HERC2: variants seen among roughly 807,000 people sequenced by gnomAD.
HERC2 encodes the protein HECT and RLD domain containing E3 ubiquitin protein ligase 2, also known as E3 ubiquitin-protein ligase HERC2.
In HERC2, 102 loss-of-function variants were observed where a neutral mutation model predicts 537.7. The ratio of observed to expected loss-of-function variants is 0.19; its 90% CI spans 0.16 to 0.22. HERC2 has a LOEUF of 0.22. Among genes scored for constraint, HERC2 ranks in the 10% least tolerant of loss-of-function variants. The probability of loss-of-function intolerance (pLI) is 1.00; values close to 1 mark genes in which losing one functional copy is unlikely to be tolerated. For synonymous variants in HERC2, 2,224 were observed against 2,466.2 expected (o/e 0.90, Z 2.91); for missense variants, 4,236 against 6,198.2 (o/e 0.68, Z 10.63).
Position 28,176,373 on chromosome 15 carries a change from CCCTGCACACA to C in HERC2, c.9686+45_9686+54del. The C allele has an allele frequency of 3.8e-6, 6 of 1,573,628 alleles. No individual in the cohort carries two copies. The highest frequency in any genetic ancestry group is 5.2e-6 in the Non-Finnish European group (6 of 1,147,212). ...GTGAGCCTGGGGCGAGGCCCAGGTT[CCCTGCACACA>C]CCTGCACAAGCACACACAGTGTGAC... On this transcript the variant is annotated intron_variant, in intron 63 of 92. Coordinates refer to ENST00000261609, the MANE Select transcript of HERC2 (RefSeq NM_004667.6). The surrounding 1 kb of genome is among the most constrained non-coding windows in gnomAD (Gnocchi z 5.0).
At chr15:28,210,914 G>C (rs1899137415) in intron 44 of HERC2, 88 bp downstream of exon 44, 1 of 1,064,148 alleles carries the variant, frequency 9.4e-7, no homozygotes, top group Non-Finnish European at 1.5e-6. Flanking sequence ...AGCCACCTAT[G>C]TCCATTTTTA....
intron 72 of HERC2, 138 bp downstream of exon 72, chr15:28,144,535 G>C (rs1891543625): frequency 8.5e-7 from 1 of 1,177,402 alleles, no homozygotes; most frequent in African/African-American, 1.5e-5. Context: ...CCTCAGCAGG[G>C]CCTGTGAGAG....
rs866951722 is a variant in HERC2 at position 28,283,051 on chromosome 15, A to C, written c.323-2764T>G. On this transcript the variant is annotated intron_variant, in intron 4 of 92. Transcript: ENST00000261609. ...TCCCAGCAAAAAAAAAAAAAAAAAA[A>C]AAAAAAAACCAGTCTTGGGGACCTA... Among the ~76,000 whole-genome samples the C allele has an allele frequency of 3.3e-3, 494 of 150,548 alleles. 5 individuals carry two copies. The highest frequency in any genetic ancestry group is 0.011 in the African/African-American group (469 of 41,042).
chr15:28,304,477 C>T (rs1413997849), intron 2 of HERC2, among the ~76,000 whole-genome samples: 2 of 151,798 alleles, frequency 1.3e-5, no homozygotes, highest in African/African-American at 4.8e-5. Context: ...AAGTGATTTC[C>T]CTGCCTCAGC....
intron 24 of HERC2, among the ~76,000 whole-genome samples, 177 bp downstream of exon 24, chr15:28,238,425 C>T (rs868842243): frequency 2.0e-5 from 3 of 152,136 alleles, no homozygotes; most frequent in Non-Finnish European, 4.4e-5. Flanking sequence ...AATGCATAAT[C>T]AAAGGAAATT....
intron 47 of HERC2, among the ~76,000 whole-genome samples, chr15:28,201,812 ATG>A (rs2140339954): frequency 6.6e-6 from 1 of 152,350 alleles, no homozygotes; most frequent in South Asian, 2.1e-4. Context: ...TCAGAAACTG[ATG>A]TGTCAAAACA....
chr15:28,140,932 T>G (rs1321024800), intron 78 of HERC2, among the ~76,000 whole-genome samples: 15 of 151,636 alleles, frequency 9.9e-5, no homozygotes, highest in Admixed American at 9.9e-4. Context: ...TGACGTATTT[T>G]CAAAATAAAA....
At chr15:28,241,069 T>C (rs1490979933) in intron 23 of HERC2, among the ~76,000 whole-genome samples, 3 of 152,112 alleles carry the variant, frequency 2.0e-5, no homozygotes, top group Non-Finnish European at 4.4e-5. Flanking sequence ...CAAAATCGAA[T>C]ACTTCTGTGC....
chr15:28,295,839 G>T (rs749264138), intron 3 of HERC2, among the ~76,000 whole-genome samples: 1 of 152,084 alleles, frequency 6.6e-6, no homozygotes, highest in African/African-American at 2.4e-5. Flanking sequence ...CGCTGACATA[G>T]TACTGTCTGT....
In HERC2 at chr15:28,186,569, G is replaced by A. The variant is rs767798667; in HGVS notation, c.8825+8C>T. 9.3e-6 allele frequency: 15 copies of A among 1,611,966 alleles called. No homozygotes were observed. Among genetic ancestry groups the A allele is most frequent in the Admixed American group, 1.7e-5 (1 of 59,886 alleles). The stretch of plus-strand genomic sequence containing the variant: ...GGTAAGTGAGCACCTGTAACAAATG[G>A]TTCTCACCTTCCGCTGTTGCCTTTC... On this transcript the variant is annotated splice_region_variant and intron_variant, in intron 56 of 92. Transcript: ENST00000261609.
Position 28,132,768 on chromosome 15 carries a change from G to A in HERC2, c.12293C>T (p.Ala4098Val). The A allele has an allele frequency of 6.2e-7, 1 of 1,607,898 alleles. No individual in the cohort carries two copies. The highest frequency in any genetic ancestry group is 8.5e-7 in the Non-Finnish European group (1 of 1,177,330). Residue 4098 changes from alanine (A) to valine (V), a missense_variant, in exon 80 of 93, where the codon GCT becomes GTT. Physicochemically the swap from Ala to Val is moderately conservative, Grantham distance 64 (BLOSUM62 0). Around this residue, in one of 27 missense-constraint regions of HERC2, gnomAD observed 94 missense variants for 137.4 expected, o/e 0.68. Coordinates refer to ENST00000261609, the MANE Select transcript of HERC2 (RefSeq NM_004667.6). ...GACACAGGCGCTGTGGGCTCCGCCA[G>A]CAGCAACATCGACCACTTCAATTCC... is the stretch of plus-strand genomic sequence containing the variant. ...LRGIEVVDVA[A>V]GGAHSACVTA... is the part of the protein sequence containing the mutation.
At chr15:28,210,420 G>C (rs1311777366) in intron 44 of HERC2, among the ~76,000 whole-genome samples, 1 of 152,234 alleles carries the variant, frequency 6.6e-6, no homozygotes, top group Non-Finnish European at 1.5e-5. Flanking sequence ...ACAGGCATGA[G>C]CCATTGTGCC....
Position 28,111,501 on chromosome 15 carries a change from TAGTA to T in HERC2, c.*258_*261del. On this transcript the variant is annotated 3_prime_UTR_variant, in exon 93 of 93. Transcript: ENST00000261609. ...TATTTATATAAACATTTACACACTT[TAGTA>T]AACACAGTCCTACATGTAATGCAGC... 1 of 487,726 alleles carries T rather than the reference TAGTA, an allele frequency of 2.1e-6. No homozygotes were observed. Among genetic ancestry groups the T allele is most frequent in the Non-Finnish European group, 3.6e-6 (1 of 278,034 alleles). 30.2% of individuals were successfully genotyped at this position (487,726 alleles called of 1,614,324 possible).
At chr15:28,178,451 T>C (rs1399043617) in intron 59 of HERC2, among the ~76,000 whole-genome samples, 1 of 152,182 alleles carries the variant, frequency 6.6e-6, no homozygotes, top group East Asian at 1.9e-4. Context: ...CCACCATCAT[T>C]TGGATTTCCT....
chr15:28,124,377 TG>T lies in HERC2; in HGVS notation c.12991-144del, dbSNP rs1194801222. Reference sequence around the variant, plus strand: ...CTGAGTTTGGTTTGCACAACCTCACTGTGCTGCTTTTAAAATAATATTCTGT... The same window carrying T: ...CTGAGTTTGGTTTGCACAACCTCACTTGCTGCTTTTAAAATAATATTCTGT... On this transcript the variant is annotated intron_variant, in intron 84 of 92. Transcript: ENST00000261609. The T allele has an allele frequency of 2.6e-5, 12 of 469,190 alleles. No individual in the cohort carries two copies. In the East Asian group the frequency reaches 3.8e-4, roughly 15 times the overall value. The allele number at this position is 469,190 out of a possible 1,614,324, so 29.1% of individuals were successfully genotyped here.
chr15:28,120,723 A>G (rs1888788796), intron 86 of HERC2, among the ~76,000 whole-genome samples: 2 of 152,206 alleles, frequency 1.3e-5, no homozygotes, highest in African/African-American at 4.8e-5. Flanking sequence ...CTATAATCGG[A>G]TGTATCATCA....
chr15:28,274,900 C>T lies in HERC2; in HGVS notation c.643+5G>A, dbSNP rs117411594. ...CAGAACAACGCGCCACACCAGGGAC[C>T]GTACCTGATCGCCAGGCCCTGCGCA... is the stretch of plus-strand genomic sequence containing the variant. On this transcript the variant is annotated splice_donor_5th_base_variant and intron_variant, in intron 6 of 92. Transcript: ENST00000261609. 8,045 of 1,608,256 alleles carry T rather than the reference C, an allele frequency of 5.0e-3. 33 individuals are homozygous for T. The highest frequency in any genetic ancestry group is 6.0e-3 in the Non-Finnish European group (7,108 of 1,176,748).
At chr15:28,301,735 G>GTATATA (rs55977156) in intron 2 of HERC2, among the ~76,000 whole-genome samples, 18 of 35,360 alleles carry the variant, frequency 5.1e-4, no homozygotes, top group African/African-American at 1.4e-3. Context: ...GTATGTATGT[G>GTATATA]TATATATATA....
At chr15:28,282,052 G>A (rs1472331614) in intron 4 of HERC2, among the ~76,000 whole-genome samples, 4 of 152,060 alleles carry the variant, frequency 2.6e-5, no homozygotes, top group Admixed American at 2.0e-4. Flanking sequence ...TGAAACAGTG[G>A]GTGAGAAAAT....
Sources: gnomAD v4.1 joint callset for allele counts (sites outside exome capture counted in the v4.1 genomes callset) on GRCh38, gnomAD v4.1.1 for gene constraint, gnomAD v4.1.1 regional missense constraint, Gnocchi (gnomAD v3.1) non-coding constraint, MANE v1.5 for transcripts, NCBI Gene and HGNC (gene_info 2026-07-23, HGNC 2026-07-21) for gene names.